ATG5: variants seen among roughly 807,000 people sequenced by gnomAD.
The protein encoded by ATG5 is autophagy related 5, also known as autophagy protein 5.
ATG5 carries 14 observed loss-of-function variants against 36.5 expected under a neutral mutation model. The ratio of observed to expected loss-of-function variants is 0.38; its 90% CI spans 0.25 to 0.60. The LOEUF (loss-of-function observed/expected upper bound fraction) is 0.60, where lower values mean the gene tolerates loss of function less well. ATG5 is among the 20% of genes least tolerant of loss of function. The pLI is 0.60. For synonymous variants in ATG5, 95 were observed against 101.5 expected (o/e 0.94, Z 0.38); for missense variants, 195 against 326.7 (o/e 0.60, Z 3.11).
At chr6:106,297,537 A>C (rs897556603) in intron 3 of ATG5, among the ~76,000 whole-genome samples, 1 of 152,188 alleles carries the variant, frequency 6.6e-6, no homozygotes, top group African/African-American at 2.4e-5. Flanking sequence ...ATGTATAAAA[A>C]TTAATGAGCA....
intron 7 of ATG5, among the ~76,000 whole-genome samples, chr6:106,194,119 T>C (rs1408394225): frequency 6.6e-6 from 1 of 152,206 alleles, no homozygotes; most frequent in East Asian, 1.9e-4. Context: ...TCAAATAGCG[T>C]GAAGGTACAG....
intron 6 of ATG5, among the ~76,000 whole-genome samples, chr6:106,231,275 GA>G (rs1562225617): frequency 6.6e-6 from 1 of 152,186 alleles, no homozygotes; most frequent in African/African-American, 2.4e-5. Flanking sequence ...CTGATATGGA[GA>G]GATATAATGT....
intron 5 of ATG5, among the ~76,000 whole-genome samples, chr6:106,254,763 A>G (rs1321771338): frequency 6.6e-6 from 1 of 152,238 alleles, no homozygotes; most frequent in Non-Finnish European, 1.5e-5. Flanking sequence ...CCAGGTAAGA[A>G]GTGTCAGGAC....
At chr6:106,294,679 C>CA (rs202015782) in intron 3 of ATG5, among the ~76,000 whole-genome samples, 24,493 of 124,126 alleles carry the variant, frequency 0.2, 2,419 homozygotes, top group African/African-American at 0.31. Context: ...CCCAAAAATA[C>CA]AAAAAAAAAA....
chr6:106,245,868 A>T (rs1778311557), intron 6 of ATG5, among the ~76,000 whole-genome samples: 1 of 152,182 alleles, frequency 6.6e-6, no homozygotes, highest in Non-Finnish European at 1.5e-5. Context: ...TATCACAACC[A>T]TACAAACTAA....
rs749760627 is a variant in ATG5 at position 106,201,953 on chromosome 6, A to AT, written c.691+18dup. The stretch of plus-strand genomic sequence containing the variant: ...AACAGAAAATGAAAGAAATGTTTTA[A>AT]TGTTGCTGATTGTATTACCTTCAGG... On this transcript the variant is annotated intron_variant, in intron 7 of 7. Coordinates refer to ENST00000369076, the MANE Select transcript of ATG5 (RefSeq NM_004849.4). The AT allele has an allele frequency of 6.5e-7, 1 of 1,537,322 alleles. No individual in the cohort carries two copies. The highest frequency in any genetic ancestry group is 1.2e-5 in the South Asian group (1 of 85,430).
rs955910797 is a variant in ATG5, at chr6:106,324,313, G to A, written c.-59+1213C>T. Reference sequence around the variant, plus strand: ...TGTATTGCGCATTATAAATAATGCAGAGTTGAACTAAAGATAGGAGGATGT... The same window carrying A: ...TGTATTGCGCATTATAAATAATGCAAAGTTGAACTAAAGATAGGAGGATGT... On this transcript the variant is annotated intron_variant, in intron 1 of 7. Transcript: ENST00000369076. Among the ~76,000 whole-genome samples, 4 of 152,196 alleles carry A rather than the reference G, an allele frequency of 2.6e-5. No homozygotes were observed. In the South Asian group the frequency reaches 6.2e-4, roughly 24 times the overall value.
At chr6:106,222,195 G>C (rs186026887) in intron 6 of ATG5, among the ~76,000 whole-genome samples, 12 of 152,192 alleles carry the variant, frequency 7.9e-5, no homozygotes, top group South Asian at 2.1e-4. Flanking sequence ...TTATAACCAA[G>C]AATTTATTTG....
At chr6:106,258,236 G>A (rs2114542863) in intron 5 of ATG5, among the ~76,000 whole-genome samples, 1 of 151,834 alleles carries the variant, frequency 6.6e-6, no homozygotes, top group East Asian at 1.9e-4. Flanking sequence ...AGCATTGGTG[G>A]TGTATGCCAG....
intron 5 of ATG5, among the ~76,000 whole-genome samples, chr6:106,269,039 A>C (rs760534442): frequency 1.6e-4 from 24 of 152,220 alleles, no homozygotes; most frequent in Non-Finnish European, 3.4e-4. Flanking sequence ...TAGAACTTAA[A>C]GTAAAATAAA....
At chr6:106,293,262 G>A (rs1422173873) in intron 3 of ATG5, among the ~76,000 whole-genome samples, 156 bp from the exon 4 acceptor site, 1 of 152,168 alleles carries the variant, frequency 6.6e-6, no homozygotes, top group Non-Finnish European at 1.5e-5. Context: ...GCCTAGGCTA[G>A]TATGATCTAC....
chr6:106,242,511 A>T (rs1778167918), intron 6 of ATG5, among the ~76,000 whole-genome samples: 1 of 152,214 alleles, frequency 6.6e-6, no homozygotes, highest in African/African-American at 2.4e-5. Context: ...CAACAGTGTG[A>T]ACATAATTAA....
intron 1 of ATG5, among the ~76,000 whole-genome samples, chr6:106,317,703 G>A (rs1022979490): frequency 2.0e-5 from 3 of 152,160 alleles, no homozygotes; most frequent in Admixed American, 2.0e-4. Context: ...ATTCCACACT[G>A]ATAGGCTACA....
At chr6:106,230,561 C>T (rs976745434) in intron 6 of ATG5, among the ~76,000 whole-genome samples, 9 of 151,980 alleles carry the variant, frequency 5.9e-5, no homozygotes, top group Non-Finnish European at 1.0e-4. Flanking sequence ...TTACACACCC[C>T]GGAAAGGAAT....
intron 1 of ATG5, among the ~76,000 whole-genome samples, chr6:106,318,780 T>A (rs1770957176): frequency 6.6e-6 from 1 of 152,198 alleles, no homozygotes; most frequent in Non-Finnish European, 1.5e-5. Context: ...GACCCAAATT[T>A]ATAGGATCTT....
At chr6:106,237,508 C>T (rs559059920) in intron 6 of ATG5, among the ~76,000 whole-genome samples, 3 of 152,220 alleles carry the variant, frequency 2.0e-5, no homozygotes, top group Admixed American at 2.0e-4. Flanking sequence ...GGTCATTGAC[C>T]TCCAACTTAA....
chr6:106,315,785 T>A (rs917026027), intron 2 of ATG5, among the ~76,000 whole-genome samples: 3 of 152,198 alleles, frequency 2.0e-5, no homozygotes, highest in African/African-American at 7.2e-5. Context: ...TTATTATATA[T>A]GAATATATGC....
At chr6:106,192,933 C>A (rs894589520) in intron 7 of ATG5, among the ~76,000 whole-genome samples, 4 of 152,162 alleles carry the variant, frequency 2.6e-5, no homozygotes, top group Non-Finnish European at 5.9e-5. Flanking sequence ...ATGTGAAGTG[C>A]ATACATCATG....
At chr6:106,315,749 CAT>C (rs1409535985) in intron 2 of ATG5, among the ~76,000 whole-genome samples, 1 of 152,102 alleles carries the variant, frequency 6.6e-6, no homozygotes, top group East Asian at 1.9e-4. Flanking sequence ...TAAAAAAGCA[CAT>C]CTTATTATTC....
Sources: gnomAD v4.1 joint callset for allele counts (sites outside exome capture counted in the v4.1 genomes callset) on GRCh38, gnomAD v4.1.1 for gene constraint, MANE v1.5 for transcripts, NCBI Gene and HGNC (gene_info 2026-07-23, HGNC 2026-07-21) for gene names.